The following CPT1A variants were observed in gnomAD, a reference collection of about 807,000 sequenced individuals.
CPT1A encodes the protein carnitine palmitoyltransferase 1A, also known as carnitine O-palmitoyltransferase 1, liver isoform.
In CPT1A, 64 loss-of-function variants were observed where a neutral mutation model predicts 100.8. The ratio of observed to expected loss-of-function variants is 0.63; its 90% CI spans 0.52 to 0.78. CPT1A has a LOEUF of 0.78. Ranked by LOEUF, CPT1A falls within the 30% of genes least tolerant of loss-of-function variation. The probability of loss-of-function intolerance (pLI) is 0.00; values close to 1 mark genes in which losing one functional copy is unlikely to be tolerated. For missense variants in CPT1A, 802 were observed against 1,034.1 expected (o/e 0.78, Z 3.08); for synonymous variants, 363 against 396.0 (o/e 0.92, Z 0.99).
chr11:68,783,893 A>G (rs1566356906), intron 10 of CPT1A, among the ~76,000 whole-genome samples: 1 of 152,190 alleles, frequency 6.6e-6, no homozygotes, highest in African/African-American at 2.4e-5. Flanking sequence ...GTTTTGAGAC[A>G]CAGTCTCACT....
At chr11:68,834,806 C>T (rs1856968071) in intron 1 of CPT1A, among the ~76,000 whole-genome samples, 1 of 151,924 alleles carries the variant, frequency 6.6e-6, no homozygotes, top group Non-Finnish European at 1.5e-5. Context: ...TTGAGACCAG[C>T]CTGGCCAACA....
At chr11:68,832,858 GA>G (rs1856914199) in intron 1 of CPT1A, among the ~76,000 whole-genome samples, 1 of 152,238 alleles carries the variant, frequency 6.6e-6, no homozygotes, top group Admixed American at 6.5e-5. Context: ...AGCTCAGCAG[GA>G]ATACCAGGCA....
chr11:68,795,896 A>G (rs1377526341), intron 7 of CPT1A, among the ~76,000 whole-genome samples: 2 of 151,672 alleles, frequency 1.3e-5, no homozygotes, highest in Non-Finnish European at 1.5e-5. Context: ...GCGACAGAGC[A>G]AGACTCTATC....
intron 4 of CPT1A, among the ~76,000 whole-genome samples, 197 bp from the exon 5 acceptor site, chr11:68,804,298 T>C (rs1386541719): frequency 6.6e-6 from 1 of 152,192 alleles, no homozygotes; most frequent in Non-Finnish European, 1.5e-5. Context: ...CACTTACTGA[T>C]TTTCTGTGTC....
At chr11:68,831,242 G>T (rs894085046) in intron 1 of CPT1A, among the ~76,000 whole-genome samples, 1 of 152,018 alleles carries the variant, frequency 6.6e-6, no homozygotes, top group Non-Finnish European at 1.5e-5. Context: ...CTCAACACAG[G>T]TCCCTATGCC....
chr11:68,778,364 C>T (rs1198274368), intron 12 of CPT1A, among the ~76,000 whole-genome samples: 6 of 152,000 alleles, frequency 3.9e-5, no homozygotes, highest in Non-Finnish European at 8.8e-5. Flanking sequence ...AGAGTGAGTG[C>T]GAAGACTTTG....
rs2154000820 is a variant in CPT1A, at chr11:68,807,536, C to T, written c.384G>A (p.Val128=). The change falls in exon 4 of 19, where the codon GTG becomes GTA. Residue 128 remains valine (V), a synonymous_variant. Transcript: ENST00000265641. ...ACATCCACCCGTGGTAGGAGAGCAG[C>T]ACTTTCAGGGAGTAGCGCATGGTGA... ...LIVTMRYSLK[V]LLSYHGWMFT... 6.2e-7 allele frequency: 1 copy of T among 1,614,200 alleles called. No homozygotes were observed. The highest frequency in any genetic ancestry group is 8.5e-7 in the Non-Finnish European group (1 of 1,180,032).
intron 6 of CPT1A, among the ~76,000 whole-genome samples, 188 bp from the exon 7 acceptor site, chr11:68,797,121 A>G (rs1319935943): frequency 5.3e-5 from 8 of 152,182 alleles, no homozygotes; most frequent in Non-Finnish European, 1.2e-4. Context: ...TGGGAAATGA[A>G]AAGTGTTCTT....
intron 1 of CPT1A, among the ~76,000 whole-genome samples, chr11:68,829,411 G>C (rs879721756): frequency 4.6e-5 from 7 of 152,176 alleles, no homozygotes; most frequent in African/African-American, 1.4e-4. Context: ...GGAAAAGGTG[G>C]TGTCCCGGGG....
intron 5 of CPT1A, 92 bp from the exon 6 acceptor site, chr11:68,799,447 A>C: frequency 7.0e-7 from 1 of 1,425,828 alleles, no homozygotes; most frequent in Admixed American, 1.7e-5. Flanking sequence ...GAAAAGTTCT[A>C]ACACATTGAA....
At chr11:68,827,760 A>G (rs1856767449) in intron 1 of CPT1A, among the ~76,000 whole-genome samples, 1 of 152,106 alleles carries the variant, frequency 6.6e-6, no homozygotes, top group Non-Finnish European at 1.5e-5. Flanking sequence ...TTGAGTATCT[A>G]CAAGTGCATA....
At chr11:68,765,473 C>T (rs896704248) in intron 14 of CPT1A, among the ~76,000 whole-genome samples, 5 of 152,158 alleles carry the variant, frequency 3.3e-5, no homozygotes, top group Non-Finnish European at 4.4e-5. Context: ...GATGGCCCTT[C>T]GCTGCCACCA....
chr11:68,829,639 CA>C (rs1324348962), intron 1 of CPT1A, among the ~76,000 whole-genome samples: 2 of 152,244 alleles, frequency 1.3e-5, no homozygotes, highest in African/African-American at 4.8e-5. Flanking sequence ...CTCGTTCCCA[CA>C]AATCATCGCG....
At chr11:68,823,233 G>C (rs1283076715) in intron 1 of CPT1A, among the ~76,000 whole-genome samples, 2 of 151,512 alleles carry the variant, frequency 1.3e-5, no homozygotes, top group Non-Finnish European at 2.9e-5. Flanking sequence ...CTGGGCAACA[G>C]AGCAAGACCC....
intron 9 of CPT1A, among the ~76,000 whole-genome samples, chr11:68,789,142 A>G (rs1225387019): frequency 2.0e-5 from 3 of 152,364 alleles, no homozygotes; most frequent in African/African-American, 7.2e-5. Context: ...ATCTTCTGCT[A>G]AAAGATTTTC....
At chr11:68,763,718 G>A (rs1459026368) in intron 14 of CPT1A, among the ~76,000 whole-genome samples, 3 of 152,184 alleles carry the variant, frequency 2.0e-5, no homozygotes, top group African/African-American at 7.2e-5. Flanking sequence ...GGAGAGGGGT[G>A]TGATGTGGCA....
chr11:68,817,125 A>G (rs1200280964), intron 1 of CPT1A, among the ~76,000 whole-genome samples: 28 of 53,826 alleles, frequency 5.2e-4, no homozygotes, highest in African/African-American at 1.3e-3. Context: ...GTGTGTGGTG[A>G]TGTGTGGTTG....
intron 11 of CPT1A, 139 bp downstream of exon 11, chr11:68,781,631 TA>T: frequency 1.2e-6 from 1 of 863,794 alleles, no homozygotes; most frequent in Non-Finnish European, 1.9e-6. Context: ...AAAAATAAAA[TA>T]AAATAAAACT....
chr11:68,829,507 G>A (rs1856826206), intron 1 of CPT1A, among the ~76,000 whole-genome samples: 1 of 152,192 alleles, frequency 6.6e-6, no homozygotes, highest in Non-Finnish European at 1.5e-5. Context: ...ATGGCTAGAG[G>A]AGAGAACGCT....
Sources: allele counts gnomAD v4.1 joint callset (sites outside exome capture counted in the v4.1 genomes callset), GRCh38; gene constraint gnomAD v4.1.1; transcripts MANE v1.5; gene names NCBI Gene and HGNC (gene_info 2026-07-23, HGNC 2026-07-21).